XKR6: variants seen among roughly 807,000 people sequenced by gnomAD.
XKR6 encodes XK related 6, also known as XK-related protein 6.
A neutral mutation model predicts 56.7 loss-of-function variants in XKR6; 22 were observed. That is an observed-to-expected ratio of 0.39 (90% confidence interval 0.28 to 0.55). The LOEUF (loss-of-function observed/expected upper bound fraction) is 0.55. XKR6 is among the 20% of genes least tolerant of loss of function. XKR6 has a pLI of 0.66. For missense variants in XKR6, 852 were observed against 889.0 expected, an observed-to-expected ratio of 0.96 and a Z score of 0.53; for synonymous variants, 524 against 387.8, an observed-to-expected ratio of 1.35 and a Z score of -4.13.
At chr8:11,166,883 C>T (rs910292024) in intron 1 of XKR6, among the ~76,000 whole-genome samples, 6 of 152,130 alleles carry the variant, frequency 3.9e-5, no homozygotes, top group Non-Finnish European at 8.8e-5. Flanking sequence ...CTTAACCTAA[C>T]ATTTAATAGG....
intron 1 of XKR6, among the ~76,000 whole-genome samples, chr8:11,156,545 A>T (rs750931861): frequency 1.9e-4 from 29 of 152,332 alleles, no homozygotes; most frequent in Admixed American, 3.9e-4. Context: ...TTGGAGAAAA[A>T]GTCTACAGCA....
chr8:11,136,873 G>T (rs1586598329), intron 1 of XKR6: 1 of 152,214 alleles, frequency 6.6e-6, no homozygotes, highest in African/African-American at 2.4e-5. Flanking sequence ...TACACACAGT[G>T]TGGTTACAGG....
chr8:11,101,522 A>C (rs979118689), intron 1 of XKR6, among the ~76,000 whole-genome samples: 2 of 152,222 alleles, frequency 1.3e-5, no homozygotes, highest in Non-Finnish European at 2.9e-5. Flanking sequence ...AATTTTGGAA[A>C]AACAAGGATG....
chr8:11,072,500 A>C (rs1299455713), intron 1 of XKR6, among the ~76,000 whole-genome samples: 1 of 152,124 alleles, frequency 6.6e-6, no homozygotes, highest in Non-Finnish European at 1.5e-5. Flanking sequence ...GGAAATGTGC[A>C]GGCTTACAGA....
chr8:10,988,000 C>T (rs1797902063), intron 1 of XKR6, among the ~76,000 whole-genome samples: 1 of 152,178 alleles, frequency 6.6e-6, no homozygotes, highest in African/African-American at 2.4e-5. Context: ...TGGACAGGCC[C>T]AGGGCTGTCC....
intron 1 of XKR6, among the ~76,000 whole-genome samples, chr8:11,071,885 A>G (rs1309840727): frequency 1.3e-5 from 2 of 152,202 alleles, no homozygotes; most frequent in East Asian, 3.8e-4. Context: ...TTCCTTTCCT[A>G]ATACTGTGTC....
chr8:11,017,228 G>A (rs1439601941), intron 1 of XKR6, among the ~76,000 whole-genome samples: 1 of 152,240 alleles, frequency 6.6e-6, no homozygotes, highest in Non-Finnish European at 1.5e-5. Flanking sequence ...GGTAGGCAGT[G>A]GGTAGATAGG....
At chr8:10,943,556 C>T (rs550394820) in intron 1 of XKR6, among the ~76,000 whole-genome samples, 21 of 152,250 alleles carry the variant, frequency 1.4e-4, no homozygotes, top group African/African-American at 2.6e-4. Flanking sequence ...CCAAGCTCCC[C>T]GCCACATGCC....
At chr8:11,050,646 A>T (rs2129159584) in intron 1 of XKR6, among the ~76,000 whole-genome samples, 1 of 151,834 alleles carries the variant, frequency 6.6e-6, no homozygotes, top group East Asian at 1.9e-4. Context: ...AAAAGAAACT[A>T]CTGGGCAGGA....
chr8:10,952,221 C>T (rs1282627027), intron 1 of XKR6, among the ~76,000 whole-genome samples: 1 of 152,092 alleles, frequency 6.6e-6, no homozygotes, highest in African/African-American at 2.4e-5. Context: ...ACAGGCCTCC[C>T]CGTGACGTTC....
chr8:11,037,574 A>T (rs1799177454), intron 1 of XKR6, among the ~76,000 whole-genome samples: 1 of 152,154 alleles, frequency 6.6e-6, no homozygotes, highest in African/African-American at 2.4e-5. Flanking sequence ...AAAATGATTG[A>T]ATGGGCCGGG....
chr8:10,972,345 C>T (rs1181622839), intron 1 of XKR6, among the ~76,000 whole-genome samples: 1 of 152,174 alleles, frequency 6.6e-6, no homozygotes, highest in African/African-American at 2.4e-5. Context: ...TTCTTTCCTG[C>T]TGAGCTGATT....
chr8:11,072,567 C>T (rs73198908), intron 1 of XKR6, among the ~76,000 whole-genome samples: 14 of 152,300 alleles, frequency 9.2e-5, no homozygotes, highest in Non-Finnish European at 1.5e-4. Flanking sequence ...CAAAAGTCCA[C>T]ACGTCTCATG....
chr8:11,034,839 C>A (rs1799096141), intron 1 of XKR6, among the ~76,000 whole-genome samples: 2 of 152,314 alleles, frequency 1.3e-5, no homozygotes, highest in African/African-American at 4.8e-5. Flanking sequence ...ACCCAGCACA[C>A]CCATCTCCAT....
intron 1 of XKR6, among the ~76,000 whole-genome samples, chr8:11,035,700 G>A (rs1799123303): frequency 6.6e-6 from 1 of 152,180 alleles, no homozygotes; most frequent in Non-Finnish European, 1.5e-5. Context: ...ACAGTGGTGT[G>A]TCATTTCTCA....
intron 1 of XKR6, among the ~76,000 whole-genome samples, chr8:10,997,665 G>C (rs372811974): frequency 2.0e-5 from 3 of 152,180 alleles, no homozygotes; most frequent in African/African-American, 7.2e-5. Flanking sequence ...TGCAATGAGG[G>C]TGTGGAAATG....
intron 1 of XKR6, among the ~76,000 whole-genome samples, chr8:10,975,558 T>C (rs150173872): frequency 6.6e-6 from 1 of 152,308 alleles, no homozygotes; most frequent in Non-Finnish European, 1.5e-5. Flanking sequence ...ACACCTCTGC[T>C]GGGGCCCACG....
intron 1 of XKR6, among the ~76,000 whole-genome samples, chr8:11,175,728 G>A (rs1246823426): frequency 6.6e-6 from 1 of 152,166 alleles, no homozygotes. Context: ...GGCAGTATAT[G>A]ATTTTTAAAG....
chr8:11,169,095 T>C (rs1313067194), intron 1 of XKR6, among the ~76,000 whole-genome samples: 1 of 152,238 alleles, frequency 6.6e-6, no homozygotes, highest in East Asian at 1.9e-4. Flanking sequence ...CCAAGCTGAG[T>C]AGGCTTTCTC....
Sources: allele counts gnomAD v4.1 joint callset (sites outside exome capture counted in the v4.1 genomes callset), GRCh38; gene constraint gnomAD v4.1.1; transcripts MANE v1.5; gene names NCBI Gene and HGNC (gene_info 2026-07-23, HGNC 2026-07-21).